Variants in SYT1 observed in about 807,000 individuals in gnomAD.
The protein encoded by SYT1 is synaptotagmin 1.
SYT1 carries 8 observed loss-of-function variants against 44.8 expected under a neutral mutation model. The ratio of observed to expected loss-of-function variants is 0.18; its 90% CI spans 0.10 to 0.32. SYT1 has a LOEUF of 0.32. SYT1 is among the 10% of genes least tolerant of loss of function. The pLI is 1.00. For synonymous variants in SYT1, 154 were observed against 188.8 expected (o/e 0.82, Z 1.51); for missense variants, 286 against 509.3 (o/e 0.56, Z 4.22).
intron 1 of SYT1, among the ~76,000 whole-genome samples, chr12:78,894,464 C>CA (rs922448179): frequency 2.1e-4 from 29 of 135,348 alleles, no homozygotes; most frequent in African/African-American, 5.7e-4. Flanking sequence ...GTAACATACA[C>CA]AAAAAAAAGT....
intron 3 of SYT1, among the ~76,000 whole-genome samples, chr12:79,055,979 A>T (rs1293336530): frequency 6.6e-6 from 1 of 152,002 alleles, no homozygotes. Context: ...TTCTGTTAAG[A>T]TGCACAGATA....
At chr12:79,074,318 A>G (rs1876489599) in intron 3 of SYT1, among the ~76,000 whole-genome samples, 2 of 152,042 alleles carry the variant, frequency 1.3e-5, no homozygotes, top group Non-Finnish European at 2.9e-5. Context: ...TGGCCCCAAC[A>G]TGTGTATTCA....
At chr12:79,316,171 G>A (rs1881075349) in intron 8 of SYT1, among the ~76,000 whole-genome samples, 1 of 152,128 alleles carries the variant, frequency 6.6e-6, no homozygotes, top group African/African-American at 2.4e-5. Context: ...TCTTTCCAAT[G>A]TGTCTTAGTG....
intron 4 of SYT1, among the ~76,000 whole-genome samples, chr12:79,243,118 GA>G (rs5799422): frequency 0.7 from 106,283 of 151,894 alleles, 37,628 homozygotes; most frequent in African/African-American, 0.76. Flanking sequence ...AACAGCAGGG[GA>G]AAAACCAGCC....
intron 1 of SYT1, among the ~76,000 whole-genome samples, chr12:78,917,898 T>C (rs1341854727): frequency 6.6e-6 from 1 of 152,074 alleles, no homozygotes; most frequent in Non-Finnish European, 1.5e-5. Flanking sequence ...ATTCTAAAAG[T>C]CATACATCAA....
At chr12:79,379,819 A>G (rs1884144761) in intron 9 of SYT1, among the ~76,000 whole-genome samples, 1 of 152,174 alleles carries the variant, frequency 6.6e-6, no homozygotes, top group South Asian at 2.1e-4. Context: ...AAAACTATAG[A>G]TATTGCTGAG....
intron 3 of SYT1, among the ~76,000 whole-genome samples, chr12:79,050,141 T>A (rs1387722930): frequency 6.7e-6 from 1 of 148,860 alleles, no homozygotes; most frequent in East Asian, 2.0e-4. Context: ...TTAATTCTTA[T>A]TTTTCATGTT....
At chr12:79,101,928 AAATT>A (rs1242800229) in intron 3 of SYT1, among the ~76,000 whole-genome samples, 4 of 151,756 alleles carry the variant, frequency 2.6e-5, no homozygotes, top group Non-Finnish European at 5.9e-5. Flanking sequence ...AAATTGAAAT[AAATT>A]AATTAATAAA....
At chr12:79,078,075 T>C (rs1876780767) in intron 3 of SYT1, among the ~76,000 whole-genome samples, 1 of 152,170 alleles carries the variant, frequency 6.6e-6, no homozygotes, top group African/African-American at 2.4e-5. Flanking sequence ...TGGTTTTTTT[T>C]CTCTAAAATT....
chr12:79,449,157 A>G lies in SYT1; in HGVS notation c.*33A>G, dbSNP rs1420658810. On this transcript the variant is annotated 3_prime_UTR_variant, in exon 11 of 11. Coordinates refer to ENST00000261205, the MANE Select transcript of SYT1 (RefSeq NM_005639.3). ...AAGAAGCCTTTCTGCATTTGCCCAT[A>G]TAGTGCTCTTTAGCCAGTATCTGTA... The G allele has an allele frequency of 6.4e-7, 1 of 1,567,256 alleles. No individual in the cohort carries two copies. The highest frequency in any genetic ancestry group is 2.4e-5 in the East Asian group (1 of 42,424).
intron 2 of SYT1, among the ~76,000 whole-genome samples, chr12:79,023,795 TTCTC>T (rs1346860431): frequency 6.6e-6 from 1 of 151,498 alleles, no homozygotes; most frequent in African/African-American, 2.4e-5. Context: ...CTCTCTCTCT[TTCTC>T]TCTCTCTCCA....
intron 3 of SYT1, among the ~76,000 whole-genome samples, chr12:79,186,066 A>T (rs1872783742): frequency 1.3e-5 from 2 of 152,080 alleles, no homozygotes; most frequent in African/African-American, 4.8e-5. Context: ...TTTTCTTTAT[A>T]TTCAAGGATC....
chr12:78,976,485 C>G (rs898506684), intron 1 of SYT1: 9 of 152,182 alleles, frequency 5.9e-5, no homozygotes, highest in Non-Finnish European at 4.4e-5. Flanking sequence ...ATGCCAGAAT[C>G]ATTCCAATCC....
intron 1 of SYT1, among the ~76,000 whole-genome samples, chr12:78,880,538 C>T (rs1472610524): frequency 1.3e-5 from 2 of 151,282 alleles, no homozygotes; most frequent in African/African-American, 4.9e-5. Flanking sequence ...TCCTGATCTC[C>T]GAATGCCTAA....
intron 3 of SYT1, among the ~76,000 whole-genome samples, chr12:79,175,961 A>G (rs111615204): frequency 6.6e-5 from 10 of 152,074 alleles, no homozygotes; most frequent in African/African-American, 2.4e-4. Context: ...TTATTTTCAC[A>G]CTATTGGTCC....
chr12:78,932,407 G>T (rs1477221584), intron 1 of SYT1, among the ~76,000 whole-genome samples: 1 of 152,116 alleles, frequency 6.6e-6, no homozygotes, highest in Non-Finnish European at 1.5e-5. Flanking sequence ...ATTATATTCA[G>T]TGCCAGTTAT....
At chr12:79,179,335 T>TATGTCTATATCAGATATAGAC (rs1872255923) in intron 3 of SYT1, among the ~76,000 whole-genome samples, 1 of 85,510 alleles carries the variant, frequency 1.2e-5, no homozygotes, top group African/African-American at 5.2e-5. Flanking sequence ...TAGATATAGA[T>TATGTCTATATCAGATATAGAC]ATATCGATAT....
At chr12:79,207,253 C>T (rs992088927) in intron 3 of SYT1, among the ~76,000 whole-genome samples, 2 of 152,192 alleles carry the variant, frequency 1.3e-5, no homozygotes, top group African/African-American at 4.8e-5. Context: ...TGAAAAGGAG[C>T]TATCGATGGG....
intron 3 of SYT1, among the ~76,000 whole-genome samples, chr12:79,080,199 A>G (rs1200421120): frequency 6.6e-6 from 1 of 152,174 alleles, no homozygotes; most frequent in African/African-American, 2.4e-5. Context: ...AGGATTTAGT[A>G]TATAGACATT....
Sources: allele counts gnomAD v4.1 joint callset (sites outside exome capture counted in the v4.1 genomes callset), GRCh38; gene constraint gnomAD v4.1.1; transcripts MANE v1.5; gene names NCBI Gene and HGNC (gene_info 2026-07-23, HGNC 2026-07-21).